Variants in DLGAP2 observed in about 807,000 individuals in gnomAD.
The protein encoded by DLGAP2 is DLG associated protein 2, also known as disks large-associated protein 2.
Under a neutral mutation model 100.3 loss-of-function variants are expected in DLGAP2, and 26 were observed. The observed-to-expected ratio is 0.26, with a 90% CI of 0.19 to 0.36. DLGAP2 has a LOEUF of 0.36. Ranked by LOEUF, DLGAP2 falls within the 10% of genes least tolerant of loss-of-function variation. DLGAP2 has a pLI of 1.00. For missense variants in DLGAP2, 1,858 were observed against 1,453.2 expected (o/e 1.28, Z -4.53); for synonymous variants, 886 against 630.1 (o/e 1.41, Z -6.08).
intron 2 of DLGAP2, among the ~76,000 whole-genome samples, chr8:976,745 A>G (rs930191137): frequency 5.3e-5 from 8 of 152,256 alleles, no homozygotes; most frequent in African/African-American, 1.9e-4. Flanking sequence ...CATGCAAGAA[A>G]AAATGGATGT....
chr8:1,654,467 C>T (rs1798237543), intron 8 of DLGAP2, among the ~76,000 whole-genome samples: 1 of 151,788 alleles, frequency 6.6e-6, no homozygotes. Context: ...TTCGAGACCA[C>T]CCTGGCCAAC....
In DLGAP2 at chr8:1,644,927, A is replaced by G. The variant is rs550540492; in HGVS notation, c.1810+11881A>G. Among the ~76,000 whole-genome samples the G allele has an allele frequency of 2.2e-4, 34 of 152,346 alleles. 1 individual carries two copies. The South Asian group carries it at 6.6e-3, about 30-fold the overall frequency. On this transcript the variant is annotated intron_variant, in intron 8 of 14. Transcript: ENST00000637795. ...AAATACTTTTGCTCTCTTAGGGAAA[A>G]AAAACTAGAGTGATGCTTTTAAATG...
At chr8:872,539 C>T (rs1797618324) in intron 1 of DLGAP2, among the ~76,000 whole-genome samples, 1 of 152,098 alleles carries the variant, frequency 6.6e-6, no homozygotes. Flanking sequence ...TCCATGTTGG[C>T]CAGGCTGGTC....
chr8:766,696 T>C (rs56804985), intron 1 of DLGAP2, among the ~76,000 whole-genome samples: 7,765 of 152,240 alleles, frequency 0.051, 668 homozygotes, highest in African/African-American at 0.18. Flanking sequence ...TTTCATTCTT[T>C]GAAAAGCAGC....
intron 10 of DLGAP2, among the ~76,000 whole-genome samples, chr8:1,674,645 A>AT (rs1798767637): frequency 1.3e-5 from 2 of 152,250 alleles, no homozygotes; most frequent in African/African-American, 4.8e-5. Flanking sequence ...GGCAATATCT[A>AT]CCAAAATTAT....
At chr8:1,629,523 C>G (rs532538478) in intron 7 of DLGAP2, among the ~76,000 whole-genome samples, 15 of 152,238 alleles carry the variant, frequency 9.9e-5, no homozygotes, top group African/African-American at 3.6e-4. Flanking sequence ...AGCATAAAGT[C>G]CAAGATGATA....
chr8:1,217,011 G>C (rs776456062), intron 2 of DLGAP2, among the ~76,000 whole-genome samples: 1 of 152,068 alleles, frequency 6.6e-6, no homozygotes, highest in African/African-American at 2.4e-5. Context: ...TTGTTACATG[G>C]ATAAATTGCC....
chr8:1,420,624 G>T (rs1157260382), intron 3 of DLGAP2, among the ~76,000 whole-genome samples: 1 of 152,108 alleles, frequency 6.6e-6, no homozygotes. Flanking sequence ...GTGGGTCAAG[G>T]TTTCACACTG....
intron 2 of DLGAP2, among the ~76,000 whole-genome samples, chr8:1,079,821 T>C (rs1470698710): frequency 1.3e-5 from 2 of 152,140 alleles, no homozygotes; most frequent in Non-Finnish European, 2.9e-5. Flanking sequence ...TTAGCTCAAT[T>C]TGGGTCTGAA....
At chr8:1,051,259 G>T (rs934516593) in intron 2 of DLGAP2, among the ~76,000 whole-genome samples, 1 of 152,098 alleles carries the variant, frequency 6.6e-6, no homozygotes, top group African/African-American at 2.4e-5. Flanking sequence ...CTCATTGAAG[G>T]GAACCCAGGC....
rs569448320 is a variant in DLGAP2 at position 972,272 on chromosome 8, G to A, written c.73+64306G>A. 1.1e-4 allele frequency among the ~76,000 whole-genome samples: 17 copies of A among 152,204 alleles called. No homozygotes were observed. In the South Asian group the frequency reaches 1.7e-3, roughly 15 times the overall value. On this transcript the variant is annotated intron_variant, in intron 2 of 14. Transcript: ENST00000637795. The stretch of plus-strand genomic sequence containing the variant: ...GCAACGAAAAACCTACAAGGCATGC[G>A]GAAAGGAAGAAATGAAAGATAATCT...
chr8:1,555,122 C>G (rs1383430312), intron 5 of DLGAP2, among the ~76,000 whole-genome samples: 2 of 152,122 alleles, frequency 1.3e-5, no homozygotes, highest in African/African-American at 4.8e-5. Context: ...GTGGCCACAC[C>G]TCACTTCCAA....
chr8:1,526,157 C>A (rs149645779), intron 4 of DLGAP2, among the ~76,000 whole-genome samples: 1 of 151,092 alleles, frequency 6.6e-6, no homozygotes, highest in Admixed American at 6.6e-5. Context: ...CATGGTGTTC[C>A]CAACGGGCTT....
chr8:821,857 A>G (rs577373055), intron 1 of DLGAP2, among the ~76,000 whole-genome samples: 36 of 152,356 alleles, frequency 2.4e-4, no homozygotes, highest in African/African-American at 7.9e-4. Flanking sequence ...TTCCATGTTC[A>G]TACATCCTGG....
rs534208847 is a variant in DLGAP2, at chr8:776,921, C to T, written c.18+39096C>T. On this transcript the variant is annotated intron_variant, in intron 1 of 14. Transcript: ENST00000637795. ...GGGTATCCTTGTTGACTTTCTGTCT[C>T]GTTGATCTGTCTAATGTTGACAGTG... 1.9e-4 allele frequency among the ~76,000 whole-genome samples: 29 copies of T among 152,170 alleles called. No individual in the cohort carries two copies. In the South Asian group the frequency reaches 2.5e-3, roughly 13 times the overall value.
At chr8:1,335,455 G>A (rs780875849) in intron 3 of DLGAP2, among the ~76,000 whole-genome samples, 13 of 152,182 alleles carry the variant, frequency 8.5e-5, no homozygotes, top group African/African-American at 2.2e-4. Context: ...AAAACCAAAC[G>A]GGACAGTGTG....
intron 2 of DLGAP2, among the ~76,000 whole-genome samples, chr8:1,209,882 T>G (rs1226548020): frequency 6.6e-6 from 1 of 152,114 alleles, no homozygotes; most frequent in African/African-American, 2.4e-5. Flanking sequence ...TCCTACCCCC[T>G]CGTAATCCCA....
intron 3 of DLGAP2, among the ~76,000 whole-genome samples, chr8:1,488,648 G>A (rs566883591): frequency 3.5e-4 from 54 of 152,346 alleles, no homozygotes; most frequent in African/African-American, 1.3e-3. Flanking sequence ...GAGAGAAATT[G>A]AGGATGCAGG....
At chr8:1,612,800 A>G (rs1284402145) in intron 6 of DLGAP2, among the ~76,000 whole-genome samples, 1 of 106,216 alleles carries the variant, frequency 9.4e-6, no homozygotes. Context: ...AATGCTCATC[A>G]TCACTGGCCA....
Sources: allele counts gnomAD v4.1 joint callset (sites outside exome capture counted in the v4.1 genomes callset), GRCh38; gene constraint gnomAD v4.1.1; transcripts MANE v1.5; gene names NCBI Gene and HGNC (gene_info 2026-07-23, HGNC 2026-07-21).